FHIT: variants seen among roughly 807,000 people sequenced by gnomAD.
FHIT encodes fragile histidine triad diadenosine triphosphatase.
FHIT carries 19 observed loss-of-function variants against 17.9 expected under a neutral mutation model. The ratio of observed to expected loss-of-function variants is 1.06; its 90% CI spans 0.74 to 1.56. The LOEUF is 1.56. FHIT is among the 40% of genes most tolerant of loss of function. FHIT has a pLI of 0.00. For synonymous variants in FHIT, 81 were observed against 69.7 expected (o/e 1.16, Z -0.81); for missense variants, 248 against 189.2 (o/e 1.31, Z -1.82).
At chr3:60,013,052 T>G (rs927249758) in intron 6 of FHIT, among the ~76,000 whole-genome samples, 4 of 152,054 alleles carry the variant, frequency 2.6e-5, no homozygotes, top group African/African-American at 9.7e-5. Flanking sequence ...ACAAAGCATT[T>G]GGGGGAAGTT....
intron 7 of FHIT, among the ~76,000 whole-genome samples, chr3:59,986,406 A>G (rs985231608): frequency 4.0e-5 from 6 of 148,910 alleles, no homozygotes; most frequent in African/African-American, 1.5e-4. Flanking sequence ...CTTACTTCTC[A>G]AACAGTTATT....
At chr3:60,943,676 T>A (rs1708510829) in intron 3 of FHIT, among the ~76,000 whole-genome samples, 1 of 152,184 alleles carries the variant, frequency 6.6e-6, no homozygotes, top group African/African-American at 2.4e-5. Flanking sequence ...AGTCAGTAAT[T>A]ATGGCCTCTC....
At chr3:60,337,527 T>C (rs1710302530) in intron 5 of FHIT, among the ~76,000 whole-genome samples, 1 of 152,238 alleles carries the variant, frequency 6.6e-6, no homozygotes, top group Non-Finnish European at 1.5e-5. Context: ...ATACATGTTA[T>C]GTTTTGTCAT....
In FHIT at chr3:60,479,329, A is replaced by T. The variant is rs142279153; in HGVS notation, c.103+57531T>A. Among the ~76,000 whole-genome samples the T allele has an allele frequency of 4.6e-4, 70 of 152,236 alleles. 1 individual carries two copies. The highest frequency in any genetic ancestry group is 1.5e-3 in the African/African-American group (64 of 41,534). On this transcript the variant is annotated intron_variant, in intron 5 of 9. Transcript: ENST00000492590. ...ATCCAAAACACAATGGTCAAGAGGC[A>T]TGGAAAACCTATGGTTGGGGAGGGA...
At chr3:60,319,158 G>C (rs1434497870) in intron 5 of FHIT, among the ~76,000 whole-genome samples, 1 of 152,064 alleles carries the variant, frequency 6.6e-6, no homozygotes, top group Non-Finnish European at 1.5e-5. Context: ...AACATTCACA[G>C]GTACCAGGAA....
chr3:60,574,681 G>A (rs1183609453), intron 4 of FHIT, among the ~76,000 whole-genome samples: 4 of 152,012 alleles, frequency 2.6e-5, no homozygotes, highest in Non-Finnish European at 5.9e-5. Context: ...TTGAAACAAA[G>A]GGCTTGAGTG....
At chr3:60,968,080 A>G (rs1437104937) in intron 3 of FHIT, among the ~76,000 whole-genome samples, 1 of 152,366 alleles carries the variant, frequency 6.6e-6, no homozygotes, top group East Asian at 1.9e-4. Context: ...GGCAAGATCC[A>G]TGTCCAGTCT....
intron 4 of FHIT, among the ~76,000 whole-genome samples, chr3:60,638,034 A>T (rs1237090252): frequency 3.3e-5 from 5 of 152,240 alleles, no homozygotes; most frequent in African/African-American, 1.2e-4. Flanking sequence ...AAAAACAATG[A>T]AAGTGGTAGA....
intron 4 of FHIT, among the ~76,000 whole-genome samples, chr3:60,577,717 A>T (rs1284604304): frequency 1.3e-5 from 2 of 152,100 alleles, no homozygotes; most frequent in Admixed American, 1.3e-4. Context: ...CTATTAAATG[A>T]ATATATACAA....
chr3:60,823,485 G>A (rs988505510), intron 3 of FHIT, among the ~76,000 whole-genome samples: 6 of 152,174 alleles, frequency 3.9e-5, no homozygotes, highest in African/African-American at 1.4e-4. Flanking sequence ...ACCACGTGAA[G>A]ACACAGAGAC....
intron 2 of FHIT, among the ~76,000 whole-genome samples, chr3:61,141,736 T>C (rs1010171458): frequency 1.3e-5 from 2 of 151,592 alleles, no homozygotes; most frequent in Non-Finnish European, 3.0e-5. Context: ...AGGTCATTTA[T>C]AGCTTCTTCA....
chr3:59,952,892 G>A (rs944305370), intron 7 of FHIT, among the ~76,000 whole-genome samples: 63 of 152,146 alleles, frequency 4.1e-4, no homozygotes, highest in African/African-American at 1.5e-3. Flanking sequence ...AGCCAGTGAA[G>A]AGGAGACTAG....
chr3:60,433,875 C>T (rs2029966060), intron 5 of FHIT, among the ~76,000 whole-genome samples: 2 of 151,854 alleles, frequency 1.3e-5, no homozygotes, highest in Non-Finnish European at 2.9e-5. Flanking sequence ...GTGGCTTTTC[C>T]ACTCTGTTGA....
intron 3 of FHIT, among the ~76,000 whole-genome samples, chr3:60,840,015 G>A (rs1459019199): frequency 2.6e-5 from 4 of 151,922 alleles, no homozygotes; most frequent in Admixed American, 6.6e-5. Flanking sequence ...ATTTAGACCC[G>A]GTGGCGAGGG....
chr3:61,172,096 A>G (rs1383353717), intron 2 of FHIT, among the ~76,000 whole-genome samples: 2 of 152,138 alleles, frequency 1.3e-5, no homozygotes, highest in Non-Finnish European at 2.9e-5. Flanking sequence ...AGTCATGGGG[A>G]AAAAGGAGAG....
At chr3:59,910,810 G>A (rs188711034) in intron 8 of FHIT, among the ~76,000 whole-genome samples, 7 of 152,018 alleles carry the variant, frequency 4.6e-5, no homozygotes, top group East Asian at 1.9e-4. Context: ...TGAAGTTTCC[G>A]TTGTCTAGCT....
intron 3 of FHIT, among the ~76,000 whole-genome samples, chr3:61,010,549 A>T (rs2031731963): frequency 6.6e-6 from 1 of 152,170 alleles, no homozygotes; most frequent in Admixed American, 6.5e-5. Context: ...CTGCTTGGTA[A>T]ATCTGGACTA....
chr3:60,479,999 A>T (rs2033534044), intron 5 of FHIT, among the ~76,000 whole-genome samples: 1 of 152,168 alleles, frequency 6.6e-6, no homozygotes, highest in South Asian at 2.1e-4. Context: ...GTCCATTTTC[A>T]CAATGCAATA....
intron 2 of FHIT, among the ~76,000 whole-genome samples, chr3:61,107,202 G>T (rs563244982): frequency 1.3e-5 from 2 of 152,080 alleles, no homozygotes; most frequent in South Asian, 4.2e-4. Flanking sequence ...TTAAAATTTC[G>T]CATGTAAGTG....
Sources: allele counts gnomAD v4.1 joint callset (sites outside exome capture counted in the v4.1 genomes callset), GRCh38; gene constraint gnomAD v4.1.1; transcripts MANE v1.5; gene names NCBI Gene and HGNC (gene_info 2026-07-23, HGNC 2026-07-21).